ICE2: variants seen among roughly 807,000 people sequenced by gnomAD.
ICE2 encodes interactor of little elongation complex ELL subunit 2, also known as little elongation complex subunit 2.
Under a neutral mutation model 105.4 loss-of-function variants are expected in ICE2, and 87 were observed. The observed-to-expected ratio is 0.83, with a 90% CI of 0.69 to 0.99. The LOEUF (loss-of-function observed/expected upper bound fraction) is 0.99. Ranked by LOEUF, ICE2 falls within the 50% of genes least tolerant of loss-of-function variation. The pLI is 0.00. For missense variants in ICE2, 1,323 were observed against 1,146.7 expected (o/e 1.15, Z -2.22); for synonymous variants, 399 against 392.0 (o/e 1.02, Z -0.21).
chr15:60,452,022 T>C, intron 9 of ICE2: 3 of 888,210 alleles, frequency 3.4e-6, no homozygotes, highest in Non-Finnish European at 4.0e-6. Flanking sequence ...AAAAGGAGGG[T>C]CCAAATTACC....
rs1017329071 is a variant in ICE2, at chr15:60,478,086, G to C, written c.-92-17C>G. 2.6e-5 allele frequency: 26 copies of C among 994,366 alleles called. No individual in the cohort carries two copies. The highest frequency in any genetic ancestry group is 8.8e-5 in the Admixed American group (5 of 56,834). 61.6% of individuals were successfully genotyped at this position (994,366 alleles called of 1,614,324 possible). ...CTTACTCAGCTGAGTAAAAACAAAA[G>C]GCCAAGATCAAAAGCAAGTGATTGG... is the stretch of plus-strand genomic sequence containing the variant. On this transcript the variant is annotated splice_polypyrimidine_tract_variant and intron_variant, in intron 1 of 15. Coordinates refer to ENST00000261520, the MANE Select transcript of ICE2 (RefSeq NM_024611.6).
chr15:60,468,141 C>T lies in ICE2; in HGVS notation c.328G>A (p.Asp110Asn). 2 of 1,613,980 alleles carry T rather than the reference C, an allele frequency of 1.2e-6. No homozygotes were observed. Among genetic ancestry groups the T allele is most frequent in the Non-Finnish European group, 1.7e-6 (2 of 1,179,956 alleles). The change falls in exon 4 of 16, where the codon GAC becomes AAC. Residue 110 changes from aspartate to asparagine, a missense_variant. By Grantham distance (23) the Asp-to-Asn change is conservative. Transcript: ENST00000261520. ...ATCTTTGCGTATTTAACCAACAAGT[C>T]CACATAACTCCTCTGCTCTCTCTGT... ...FSQREQRSYVDLLVKYAKIPA... is the reference protein window; with the variant it reads ...FSQREQRSYVNLLVKYAKIPA...
intron 8 of ICE2, 91 bp from the exon 9 acceptor site, chr15:60,453,875 CAA>C: frequency 1.0e-6 from 1 of 967,056 alleles, no homozygotes; most frequent in Non-Finnish European, 1.6e-6. Context: ...GATCACCAAA[CAA>C]AGAGACACAG....
At chr15:60,457,659 T>C (rs2064164465) in intron 5 of ICE2, among the ~76,000 whole-genome samples, 1 of 152,180 alleles carries the variant, frequency 6.6e-6, no homozygotes, top group African/African-American at 2.4e-5. Context: ...TTTTCATCTA[T>C]AGTTTCAGAA....
chr15:60,425,358 C>A (rs934341845), intron 15 of ICE2, among the ~76,000 whole-genome samples: 3 of 152,154 alleles, frequency 2.0e-5, no homozygotes, highest in African/African-American at 7.2e-5. Flanking sequence ...CACACTAATT[C>A]TATCTGTTAA....
chr15:60,463,664 T>C (rs1002949578), intron 5 of ICE2, among the ~76,000 whole-genome samples: 7 of 152,134 alleles, frequency 4.6e-5, no homozygotes, highest in African/African-American at 1.7e-4. Context: ...TCCCAGCTAC[T>C]TGGAAGGCGG....
Position 60,449,602 on chromosome 15 carries a change from ACTT to A in ICE2, c.1362_1364del (p.Arg454del). On this transcript the variant is annotated inframe_deletion, in exon 10 of 16. Coordinates refer to ENST00000261520, the MANE Select transcript of ICE2 (RefSeq NM_024611.6). ...ATTGTTCCATCAGAATCTGAGATAA[ACTT>A]CTAGAATTAGCAGAAATGTCTGGTG... 6.2e-7 allele frequency: 1 copy of A among 1,614,182 alleles called. No individual in the cohort carries two copies. The highest frequency in any genetic ancestry group is 8.5e-7 in the Non-Finnish European group (1 of 1,180,030).
chr15:60,435,959 C>T (rs369859290), intron 13 of ICE2, among the ~76,000 whole-genome samples, 184 bp downstream of exon 13: 8 of 152,044 alleles, frequency 5.3e-5, no homozygotes, highest in African/African-American at 1.4e-4. Flanking sequence ...GGTGACAGAA[C>T]GAGACTGTCT....
intron 3 of ICE2, among the ~76,000 whole-genome samples, chr15:60,469,499 AAG>A (rs2064526417): frequency 6.6e-6 from 1 of 152,190 alleles, no homozygotes; most frequent in African/African-American, 2.4e-5. Flanking sequence ...AGAGCTAGTG[AAG>A]GCCATGAAGA....
rs780909007 is a variant in ICE2, at chr15:60,453,728, T to C, written c.1000A>G (p.Thr334Ala). The change falls in exon 9 of 16, where the codon ACT (threonine) becomes GCT (alanine). Residue 334 changes from threonine (T) to alanine (A), a missense_variant. Physicochemically the swap from Thr to Ala is moderately conservative, Grantham distance 58. Transcript: ENST00000261520. ...INSPLPQKKM[T>A]MRERNQIFHE... ...AAGATTTGATTTCTCTCTCTCATAG[T>C]CATTTTCTTTTGGGGAAGTGGTGAA... is the stretch of plus-strand genomic sequence containing the variant. 6.2e-7 allele frequency: 1 copy of C among 1,605,980 alleles called. No individual in the cohort carries two copies. The highest frequency in any genetic ancestry group is 1.1e-5 in the South Asian group (1 of 90,892).
intron 15 of ICE2, among the ~76,000 whole-genome samples, chr15:60,425,501 A>G (rs549785584): frequency 6.6e-6 from 1 of 152,332 alleles, no homozygotes; most frequent in South Asian, 2.1e-4. Context: ...TGCAAGAAAG[A>G]CTGGAAGCAG....
chr15:60,459,889 T>TAAA (rs1313725238), intron 5 of ICE2, among the ~76,000 whole-genome samples: 1 of 150,850 alleles, frequency 6.6e-6, no homozygotes. Flanking sequence ...AAAAGGAGTT[T>TAAA]AAAAAAAAAC....
intron 13 of ICE2, among the ~76,000 whole-genome samples, chr15:60,433,600 C>T (rs541043230): frequency 8.5e-5 from 13 of 152,104 alleles, no homozygotes; most frequent in African/African-American, 3.1e-4. Flanking sequence ...AAGCGATTCT[C>T]CTGCCTCAGC....
At chr15:60,478,398 C>A (rs991498854) in intron 1 of ICE2, among the ~76,000 whole-genome samples, 1 of 152,160 alleles carries the variant, frequency 6.6e-6, no homozygotes, top group African/African-American at 2.4e-5. Context: ...TCCCTTACTG[C>A]CAAAATAAAT....
At chr15:60,478,868 G>C in intron 1 of ICE2, 135 bp downstream of exon 1, 2 of 434,774 alleles carry the variant, frequency 4.6e-6, no homozygotes, top group Non-Finnish European at 9.4e-6. Context: ...AGGGGTAGGA[G>C]CCGCGCAGAG....
chr15:60,473,296 C>A (rs923359563), intron 3 of ICE2, among the ~76,000 whole-genome samples: 1 of 151,904 alleles, frequency 6.6e-6, no homozygotes, highest in Non-Finnish European at 1.5e-5. Flanking sequence ...GAGACACACA[C>A]ACAGAGACAG....
intron 11 of ICE2, among the ~76,000 whole-genome samples, chr15:60,444,291 T>C (rs2063778403): frequency 6.6e-6 from 1 of 152,184 alleles, no homozygotes; most frequent in African/African-American, 2.4e-5. Flanking sequence ...AGATTTTCTT[T>C]GATAAAACTA....
intron 15 of ICE2, among the ~76,000 whole-genome samples, chr15:60,427,784 C>T (rs1426713889): frequency 1.3e-5 from 2 of 152,156 alleles, no homozygotes; most frequent in Admixed American, 6.5e-5. Flanking sequence ...GAATGAGTGA[C>T]ATAGCAGAGA....
chr15:60,431,860 AT>A, intron 14 of ICE2, 73 bp downstream of exon 14: 2 of 837,562 alleles, frequency 2.4e-6, no homozygotes, highest in Non-Finnish European at 3.9e-6. Flanking sequence ...CTAACAGTAC[AT>A]TTTCAAAGTT....
Sources: allele counts gnomAD v4.1 joint callset (sites outside exome capture counted in the v4.1 genomes callset), GRCh38; gene constraint gnomAD v4.1.1; transcripts MANE v1.5; gene names NCBI Gene and HGNC (gene_info 2026-07-23, HGNC 2026-07-21).